The following EBF2 variants were observed in gnomAD, a reference collection of about 807,000 sequenced individuals.
The protein encoded by EBF2 is EBF transcription factor 2.
In EBF2, 21 loss-of-function variants were observed where a neutral mutation model predicts 72.8. The ratio of observed to expected loss-of-function variants is 0.29; its 90% CI spans 0.20 to 0.42. EBF2 has a LOEUF of 0.42. Among genes scored for constraint, EBF2 ranks in the 10% least tolerant of loss-of-function variants. The pLI, the probability that EBF2 is intolerant of heterozygous loss-of-function variation, is 1.00. For missense variants in EBF2, 637 were observed against 731.2 expected (o/e 0.87, Z 1.49); for synonymous variants, 299 against 274.2 (o/e 1.09, Z -0.89).
chr8:25,983,639 A>G (rs1253199397), intron 6 of EBF2, among the ~76,000 whole-genome samples: 1 of 152,178 alleles, frequency 6.6e-6, no homozygotes, highest in Non-Finnish European at 1.5e-5. Flanking sequence ...CCTAGTTCCA[A>G]TCCCCAGCAT....
At chr8:25,889,705 C>T (rs746609428) in intron 8 of EBF2, 47 bp downstream of exon 8, 15 of 1,446,024 alleles carry the variant, frequency 1.0e-5, no homozygotes, top group South Asian at 4.6e-5. Flanking sequence ...CAAGGAAATT[C>T]GTGGAGAATT....
intron 6 of EBF2, among the ~76,000 whole-genome samples, chr8:25,929,018 T>C (rs1465618930): frequency 2.0e-5 from 3 of 152,066 alleles, no homozygotes; most frequent in African/African-American, 7.2e-5. Flanking sequence ...TAACCAGGAG[T>C]TGTATTATAT....
intron 6 of EBF2, among the ~76,000 whole-genome samples, chr8:26,001,292 G>T (rs1167732347): frequency 6.6e-6 from 1 of 152,082 alleles, no homozygotes; most frequent in East Asian, 1.9e-4. Flanking sequence ...AGGAGGAAGT[G>T]AAAAAGTGAA....
At chr8:25,986,014 A>AAAAAAAAAAAAAAAAAAAAT (rs1365161288) in intron 6 of EBF2, among the ~76,000 whole-genome samples, 1 of 149,150 alleles carries the variant, frequency 6.7e-6, no homozygotes. Context: ...AAAAAAAAAA[A>AAAAAAAAAAAAAAAAAAAAT]AAAAAAAAAA....
chr8:25,910,028 G>A (rs1803101089), intron 6 of EBF2, among the ~76,000 whole-genome samples: 1 of 152,296 alleles, frequency 6.6e-6, no homozygotes, highest in Non-Finnish European at 1.5e-5. Context: ...GGGTCTTTAT[G>A]GAAGAGACCT....
intron 14 of EBF2, among the ~76,000 whole-genome samples, chr8:25,854,266 TAAATCCTCACATTCCTGGG>T (rs1186256923): frequency 6.9e-6 from 1 of 145,870 alleles, no homozygotes; most frequent in Non-Finnish European, 1.5e-5. Context: ...AAGAGATGAA[TAAATCCTCACATTCCTGGG>T]AAACACTTGG....
At chr8:25,851,033 C>A (rs1158376456) in intron 14 of EBF2, among the ~76,000 whole-genome samples, 1 of 152,036 alleles carries the variant, frequency 6.6e-6, no homozygotes, top group Non-Finnish European at 1.5e-5. Flanking sequence ...TTGGGAGAGT[C>A]AGGAAGGCAG....
At chr8:25,904,752 T>C (rs1203769739) in intron 7 of EBF2, among the ~76,000 whole-genome samples, 1 of 152,206 alleles carries the variant, frequency 6.6e-6, no homozygotes, top group Admixed American at 6.5e-5. Context: ...GTTTCTTACT[T>C]GACTATGATA....
chr8:25,897,675 G>A (rs745929044), intron 7 of EBF2, among the ~76,000 whole-genome samples: 7 of 152,150 alleles, frequency 4.6e-5, no homozygotes, highest in African/African-American at 7.2e-5. Context: ...CTGTGTCCAT[G>A]GTGCTGCAAA....
intron 6 of EBF2, among the ~76,000 whole-genome samples, chr8:25,911,066 G>T (rs1380118202): frequency 6.6e-6 from 1 of 151,870 alleles, no homozygotes; most frequent in Non-Finnish European, 1.5e-5. Flanking sequence ...CATCCACCAT[G>T]CTCAGGGTCT....
intron 6 of EBF2, among the ~76,000 whole-genome samples, chr8:26,015,317 A>T (rs987785630): frequency 6.6e-6 from 1 of 152,230 alleles, no homozygotes; most frequent in African/African-American, 2.4e-5. Flanking sequence ...TCATAGACAC[A>T]CAAATAAGCC....
At chr8:25,861,755 A>T (rs769873501) in intron 11 of EBF2, among the ~76,000 whole-genome samples, 1 of 152,218 alleles carries the variant, frequency 6.6e-6, no homozygotes, top group African/African-American at 2.4e-5. Context: ...TGATTGATGG[A>T]TTTGAGTTTA....
chr8:25,944,751 GT>G (rs1803737641), intron 6 of EBF2, among the ~76,000 whole-genome samples: 1 of 146,304 alleles, frequency 6.8e-6, no homozygotes, highest in Non-Finnish European at 1.5e-5. Context: ...CAATTATATT[GT>G]ATATATAATT....
At chr8:25,951,667 T>C (rs1361127100) in intron 6 of EBF2, among the ~76,000 whole-genome samples, 1 of 152,214 alleles carries the variant, frequency 6.6e-6, no homozygotes, top group African/African-American at 2.4e-5. Flanking sequence ...TTTAGTTCTC[T>C]GTAGCTAAGG....
intron 6 of EBF2, among the ~76,000 whole-genome samples, chr8:25,962,468 C>T (rs1272590128): frequency 6.6e-6 from 1 of 152,036 alleles, no homozygotes; most frequent in Non-Finnish European, 1.5e-5. Context: ...CTGAATCTAG[C>T]CTCTGAACCT....
At chr8:25,933,349 A>G (rs1275887714) in intron 6 of EBF2, among the ~76,000 whole-genome samples, 1 of 152,216 alleles carries the variant, frequency 6.6e-6, no homozygotes, top group East Asian at 1.9e-4. Context: ...GAATGGACAT[A>G]TTAATTAGAC....
chr8:25,991,996 C>T (rs190493203), intron 6 of EBF2, among the ~76,000 whole-genome samples: 4 of 152,224 alleles, frequency 2.6e-5, no homozygotes, highest in Non-Finnish European at 5.9e-5. Flanking sequence ...AAAGGAACAA[C>T]TGTGGATACA....
chr8:25,980,183 C>T (rs973746130), intron 6 of EBF2, among the ~76,000 whole-genome samples: 2 of 152,128 alleles, frequency 1.3e-5, no homozygotes, highest in Non-Finnish European at 2.9e-5. Flanking sequence ...ATCCTTTACC[C>T]TCTCCCATTC....
chr8:25,961,480 A>G (rs1804033181), intron 6 of EBF2, among the ~76,000 whole-genome samples: 1 of 151,880 alleles, frequency 6.6e-6, no homozygotes, highest in Admixed American at 6.6e-5. Flanking sequence ...TACCTGCCTC[A>G]CTCTCCTGAG....
Sources: gnomAD v4.1 joint callset for allele counts (sites outside exome capture counted in the v4.1 genomes callset) on GRCh38, gnomAD v4.1.1 for gene constraint, MANE v1.5 for transcripts, NCBI Gene and HGNC (gene_info 2026-07-23, HGNC 2026-07-21) for gene names.